DNAH10: variants seen among roughly 807,000 people sequenced by gnomAD.
DNAH10 encodes the protein dynein axonemal heavy chain 10, also known as axonemal beta dynein heavy chain 10.
A neutral mutation model predicts 506.6 loss-of-function variants in DNAH10; 348 were observed. The ratio of observed to expected loss-of-function variants is 0.69; its 90% confidence interval spans 0.63 to 0.75. The LOEUF (loss-of-function observed/expected upper bound fraction) is 0.75. Among genes scored for constraint, DNAH10 ranks in the 30% least tolerant of loss-of-function variants. DNAH10 has a pLI of 0.00. For missense variants in DNAH10, 5,179 were observed against 5,787.1 expected (o/e 0.89, Z 3.41); for synonymous variants, 2,059 against 2,198.6 (o/e 0.94, Z 1.78).
intron 50 of DNAH10, 22 bp from the exon 51 acceptor site, chr12:123,881,601 TTC>T: frequency 6.7e-7 from 1 of 1,489,658 alleles, no homozygotes; most frequent in Non-Finnish European, 8.9e-7. Context: ...GGGTTTTGAA[TTC>T]TTTTTTTTTT....
Position 123,875,256 on chromosome 12 carries a change from C to T in DNAH10, c.7964C>T (p.Pro2655Leu). Residue 2655 changes from proline to leucine, a missense_variant, in exon 47 of 79, where the codon CCC (proline) becomes CTC (leucine). Pro to Leu is a moderately conservative substitution (Grantham distance 98). Transcript: ENST00000673944. ...GTGGATGAATATGGCACGCAGCAGC[C>T]CATTGCCTTGCTGAAGCTGCTGTTG... ...PRVDEYGTQQ[P>L]IALLKLLLEK... The T allele has an allele frequency of 6.2e-7, 1 of 1,611,642 alleles. No homozygotes were observed. The highest frequency in any genetic ancestry group is 8.5e-7 in the Non-Finnish European group (1 of 1,178,748).
chr12:123,794,563 C>A (rs1958204330), intron 12 of DNAH10, among the ~76,000 whole-genome samples: 1 of 152,104 alleles, frequency 6.6e-6, no homozygotes, highest in African/African-American at 2.4e-5. Flanking sequence ...TGCTTATAAT[C>A]TGCTGGGCAC....
intron 54 of DNAH10, 88 bp from the exon 55 acceptor site, chr12:123,897,682 G>T (rs548179508): frequency 7.1e-7 from 1 of 1,400,308 alleles, no homozygotes; most frequent in Non-Finnish European, 9.7e-7. Flanking sequence ...CCATGATCAC[G>T]CCACTGCACT....
At position 123,928,208 on chromosome 12, in the gene DNAH10, TG is replaced by T. The variant is rs1028634454; in HGVS notation, c.12106-175del. 2 of 692,122 alleles carry T rather than the reference TG, an allele frequency of 2.9e-6. No individual in the cohort carries two copies. Among genetic ancestry groups the T allele is most frequent in the African/African-American group, 3.6e-5 (2 of 55,700 alleles). 42.9% of individuals were successfully genotyped at this position (692,122 alleles called of 1,614,324 possible). A position where few individuals can be genotyped will look rare whatever the true frequency, so the allele number is the denominator to read the frequency against. Reference sequence around the variant, plus strand: ...CAGCTCAGTGCACCCACGGGGCCCATGGGGTTTCTCAAAGATGGTTTATTTG... The same window carrying T: ...CAGCTCAGTGCACCCACGGGGCCCATGGGTTTCTCAAAGATGGTTTATTTG... On this transcript the variant is annotated intron_variant, in intron 69 of 78. Transcript: ENST00000673944. This position sits in a 1 kb window ranked among gnomAD's most constrained non-coding sequence, Gnocchi z 4.9.
intron 27 of DNAH10, 67 bp from the exon 28 acceptor site, chr12:123,835,339 G>C: frequency 6.4e-7 from 1 of 1,564,844 alleles, no homozygotes; most frequent in African/African-American, 1.4e-5. Flanking sequence ...TCAGGATGGG[G>C]CTTTGCCATC....
Position 123,830,614 on chromosome 12 carries a change from A to G in DNAH10, c.4460A>G (p.Asn1487Ser), listed in dbSNP as rs1007477070. 1 of 1,613,804 alleles carries G rather than the reference A, an allele frequency of 6.2e-7. No homozygotes were observed. The highest frequency in any genetic ancestry group is 8.5e-7 in the Non-Finnish European group (1 of 1,179,866). Residue 1487 changes from asparagine (N) to serine (S), a missense_variant, in exon 26 of 79, where the codon AAT becomes AGT. Asn to Ser is a conservative substitution (Grantham distance 46). This residue lies in a region of DNAH10 where 4,844 missense variants were observed against 5,430.5 expected (regional missense o/e 0.89). Transcript: ENST00000673944. Reference protein sequence around the residue: ...FEMTETFTLENMFAMELHKHT... With the variant: ...FEMTETFTLESMFAMELHKHT... ...ATGACCGAAACGTTCACCTTGGAAA[A>G]TATGTTTGCTATGGAACTGCACAAA...
intron 50 of DNAH10, among the ~76,000 whole-genome samples, chr12:123,880,976 G>A (rs1952483684): frequency 6.6e-6 from 1 of 151,988 alleles, no homozygotes; most frequent in African/African-American, 2.4e-5. Context: ...CAAAGGACAT[G>A]AACTCATCCT....
chr12:123,795,401 G>T (rs1958241355), intron 12 of DNAH10, among the ~76,000 whole-genome samples: 1 of 152,108 alleles, frequency 6.6e-6, no homozygotes, highest in African/African-American at 2.4e-5. Flanking sequence ...TTAAATCGAG[G>T]TGTGAGCAGG....
chr12:123,864,843 TA>T (rs1951743328), intron 40 of DNAH10, 113 bp downstream of exon 40: 10 of 1,268,894 alleles, frequency 7.9e-6, no homozygotes, highest in Non-Finnish European at 9.6e-6. Context: ...AAACAATGCA[TA>T]AGGGTTTATA....
chr12:123,918,984 T>C (rs1290916639), intron 65 of DNAH10, 35 bp downstream of exon 65: 1 of 1,528,448 alleles, frequency 6.5e-7, no homozygotes, highest in Non-Finnish European at 8.8e-7. Context: ...CATGTTAGTG[T>C]AGTTTGGTGT....
chr12:123,853,471 C>G lies in DNAH10; in HGVS notation c.6438+119C>G. The G allele has an allele frequency of 7.7e-7, 1 of 1,302,248 alleles. No homozygotes were observed. The highest frequency in any genetic ancestry group is 1.9e-5 in the South Asian group (1 of 53,382). 80.7% of individuals were successfully genotyped at this position (1,302,248 alleles called of 1,614,324 possible). On this transcript the variant is annotated intron_variant, in intron 36 of 78. Transcript: ENST00000673944. The surrounding 1 kb of genome is among the most constrained non-coding windows in gnomAD (Gnocchi z 4.7). Reference sequence around the variant, plus strand: ...CCTGAAAGGTTTAAGTCTTAGCTGCCTCTTCACCCCGCGGTCTGGCCTTAC... The same window carrying G: ...CCTGAAAGGTTTAAGTCTTAGCTGCGTCTTCACCCCGCGGTCTGGCCTTAC...
chr12:123,865,368 G>A (rs1025297351), intron 40 of DNAH10, among the ~76,000 whole-genome samples: 1 of 151,858 alleles, frequency 6.6e-6, no homozygotes, highest in Admixed American at 6.6e-5. Context: ...TGGACTGCTC[G>A]TTTCATAGGT....
At chr12:123,899,311 C>T (rs913283199) in intron 56 of DNAH10, among the ~76,000 whole-genome samples, 6 of 152,162 alleles carry the variant, frequency 3.9e-5, no homozygotes, top group Admixed American at 6.5e-5. Context: ...TGGCACAGGA[C>T]GGCTCCTGCA....
chr12:123,899,329 G>C (rs1566069661), intron 56 of DNAH10, among the ~76,000 whole-genome samples: 2 of 152,144 alleles, frequency 1.3e-5, no homozygotes, highest in Non-Finnish European at 2.9e-5. Context: ...GCAGCCCACA[G>C]CTCTGTGCCT....
At chr12:123,832,913 A>G (rs984973978) in intron 26 of DNAH10, among the ~76,000 whole-genome samples, 1 of 152,208 alleles carries the variant, frequency 6.6e-6, no homozygotes, top group African/African-American at 2.4e-5. Flanking sequence ...GAGATCGTGT[A>G]TGTGACATGC....
chr12:123,803,883 T>C, intron 17 of DNAH10, 58 bp downstream of exon 17: 2 of 1,504,308 alleles, frequency 1.3e-6, no homozygotes, highest in East Asian at 2.3e-5. Flanking sequence ...ATATTGTATA[T>C]ACATACATGT....
intron 21 of DNAH10, among the ~76,000 whole-genome samples, chr12:123,816,550 G>A (rs184144655): frequency 7.5e-4 from 114 of 152,284 alleles, no homozygotes; most frequent in African/African-American, 2.4e-3. Flanking sequence ...TAGCTTATGC[G>A]TCTCTTTCGT....
chr12:123,794,152 C>T (rs781224615), intron 12 of DNAH10, 40 bp downstream of exon 12: 2 of 1,093,750 alleles, frequency 1.8e-6, no homozygotes, highest in East Asian at 8.1e-5. Flanking sequence ...ATTAAAAATA[C>T]ACTTGGCAAA....
At chr12:123,924,873 C>A (rs1393526345) in intron 67 of DNAH10, among the ~76,000 whole-genome samples, 177 bp from the exon 68 acceptor site, 1 of 152,236 alleles carries the variant, frequency 6.6e-6, no homozygotes, top group Non-Finnish European at 1.5e-5. Flanking sequence ...TCAGTTGCTC[C>A]TTTCTCAATG....
Sources: gnomAD v4.1 joint callset for allele counts (sites outside exome capture counted in the v4.1 genomes callset) on GRCh38, gnomAD v4.1.1 for gene constraint, gnomAD v4.1.1 regional missense constraint, Gnocchi (gnomAD v3.1) non-coding constraint, MANE v1.5 for transcripts, NCBI Gene and HGNC (gene_info 2026-07-23, HGNC 2026-07-21) for gene names.